Variants in DIDO1 observed in about 807,000 individuals in gnomAD.
The protein encoded by DIDO1 is death-inducer obliterator 1.
DIDO1 carries 16 observed loss-of-function variants against 99.4 expected under a neutral mutation model. The ratio of observed to expected loss-of-function variants is 0.16; its 90% confidence interval spans 0.11 to 0.24. The LOEUF is 0.24. Ranked by LOEUF, DIDO1 falls within the 10% of genes least tolerant of loss-of-function variation. The probability of loss-of-function intolerance (pLI) is 1.00; values close to 1 mark genes in which losing one functional copy is unlikely to be tolerated. For synonymous variants in DIDO1, 1,366 were observed against 1,239.1 expected, an observed-to-expected ratio of 1.10 and a Z score of -2.15; for missense variants, 2,996 against 3,014.0, an observed-to-expected ratio of 0.99 and a Z score of 0.14.
rs61330594 is a variant in DIDO1 at position 62,892,332 on chromosome 20, G to A, written c.3256-256C>T. Among the ~76,000 whole-genome samples the A allele has an allele frequency of 2.8e-3, 421 of 152,284 alleles. 1 individual carries two copies. Among genetic ancestry groups the A allele is most frequent in the African/African-American group, 9.5e-3 (395 of 41,556 alleles). On this transcript the variant is annotated intron_variant, in intron 13 of 15. Coordinates refer to ENST00000395343, the MANE Select transcript of DIDO1 (RefSeq NM_001193369.2). ...CCCAACACTTCTATGCTGTCTTTAC[G>A]TACATACACAGAGAGTAACGATTCA...
intron 15 of DIDO1, among the ~76,000 whole-genome samples, chr20:62,884,426 G>C (rs917434880): frequency 6.6e-6 from 1 of 152,172 alleles, no homozygotes; most frequent in South Asian, 2.1e-4. Flanking sequence ...AGATTAAACC[G>C]TAACAACTCA....
chr20:62,937,891 C>G (rs1025214845), exon 1 of DIDO1: 2 of 398,350 alleles, frequency 5.0e-6, no homozygotes, highest in African/African-American at 2.1e-5. Context: ...GGGCCGACGC[C>G]TTTTGACTCT....
intron 8 of DIDO1, 46 bp from the exon 9 acceptor site, chr20:62,895,211 T>C: frequency 1.3e-6 from 2 of 1,529,826 alleles, no homozygotes; most frequent in Non-Finnish European, 1.8e-6. Flanking sequence ...TTCCTATATC[T>C]GTCAATACAG....
At chr20:62,928,554 T>A (rs1418672711), upstream of DIDO1, 2 of 149,354 alleles carry the variant, frequency 1.3e-5, no homozygotes. Flanking sequence ...CTGCCCTCCC[T>A]GGTGAGAAAG....
At chr20:62,923,762 T>C (rs2056310614) in intron 1 of DIDO1, among the ~76,000 whole-genome samples, 1 of 152,226 alleles carries the variant, frequency 6.6e-6, no homozygotes, top group South Asian at 2.1e-4. Context: ...ATTTACCTTA[T>C]TATAAAGGTA....
At chr20:62,932,170 T>TA (rs1401688166) in intron 1 of DIDO1, among the ~76,000 whole-genome samples, 39 of 152,210 alleles carry the variant, frequency 2.6e-4, no homozygotes, top group Non-Finnish European at 2.4e-4. Context: ...CCACCCTGCC[T>TA]CTTTCATTCC....
intron 1 of DIDO1, among the ~76,000 whole-genome samples, chr20:62,937,330 G>A (rs62200663): frequency 0.025 from 3,821 of 152,310 alleles, 55 homozygotes; most frequent in African/African-American, 0.03. Flanking sequence ...AAGTAAACGC[G>A]CAAATACCCA....
At chr20:62,903,471 C>T (rs1460242105) in intron 6 of DIDO1, among the ~76,000 whole-genome samples, 1 of 152,188 alleles carries the variant, frequency 6.6e-6, no homozygotes, top group African/African-American at 2.4e-5. Flanking sequence ...CACCCCCTAC[C>T]AGGGAGGGCG....
chr20:62,918,981 A>G lies in DIDO1; in HGVS notation c.-199-4575T>C, dbSNP rs1292394441. On this transcript the variant is annotated intron_variant, in intron 1 of 15. Coordinates refer to ENST00000395343, the MANE Select transcript of DIDO1 (RefSeq NM_001193369.2). ...AGAATATGCCTAGAAACTTCAGATG[A>G]CATCCCCAAATGCGACGTGTTCTCC... 2.6e-5 allele frequency among the ~76,000 whole-genome samples: 4 copies of G among 152,152 alleles called. No homozygotes were observed. The East Asian group carries it at 7.7e-4, about 29-fold the overall frequency.
intron 6 of DIDO1, among the ~76,000 whole-genome samples, chr20:62,901,231 T>C (rs561406186): frequency 1.3e-5 from 2 of 152,364 alleles, no homozygotes; most frequent in South Asian, 2.1e-4. Context: ...GGTCCACAGC[T>C]AGACTGCCGT....
chr20:62,896,365 C>A lies in DIDO1; in HGVS notation c.2082G>T (p.Met694Ile), dbSNP rs375011305. The change falls in exon 8 of 16, where the codon ATG (methionine) becomes ATT (isoleucine). Residue 694 changes from methionine to isoleucine, a missense_variant. Around this residue, in one of 5 missense-constraint regions of DIDO1, gnomAD observed 898 missense variants for 972.7 expected, o/e 0.92. Transcript: ENST00000395343. This position sits in a 1 kb window ranked among gnomAD's most constrained non-coding sequence, Gnocchi z 4.4. ...KRVNDSDDLI[M>I]TENEVGKIAL... is the part of the protein sequence containing the mutation. The stretch of plus-strand genomic sequence containing the variant: ...CAATTTTTCCTACTTCGTTTTCTGT[C>A]ATGATTAAGTCATCGCTGTCATTGA... The A allele has an allele frequency of 1.2e-6, 2 of 1,613,944 alleles. No homozygotes were observed. The highest frequency in any genetic ancestry group is 1.7e-6 in the Non-Finnish European group (2 of 1,180,024).
chr20:62,937,541 C>T (rs1248236898), intron 1 of DIDO1, among the ~76,000 whole-genome samples: 4 of 152,254 alleles, frequency 2.6e-5, no homozygotes, highest in Non-Finnish European at 4.4e-5. Context: ...CCCCACCTGG[C>T]CTCGAGTGAG....
intron 15 of DIDO1, chr20:62,888,409 C>T: frequency 1.0e-6 from 1 of 985,522 alleles, no homozygotes; most frequent in Non-Finnish European, 1.2e-6. Context: ...CTCCTTCAGG[C>T]CTGTGCTGCA....
chr20:62,901,349 T>A (rs1329793149), intron 6 of DIDO1, among the ~76,000 whole-genome samples: 1 of 152,166 alleles, frequency 6.6e-6, no homozygotes, highest in Non-Finnish European at 1.5e-5. Flanking sequence ...AAGAAACTCG[T>A]GTGATGAGGG....
At chr20:62,909,253 G>C (rs564651147) in intron 4 of DIDO1, among the ~76,000 whole-genome samples, 1 of 152,384 alleles carries the variant, frequency 6.6e-6, no homozygotes, top group Non-Finnish European at 1.5e-5. Context: ...GAAGCTGACA[G>C]CATGTGGGAA....
At chr20:62,909,655 T>G in intron 4 of DIDO1, 44 bp downstream of exon 4, 1 of 1,598,140 alleles carries the variant, frequency 6.3e-7, no homozygotes. Flanking sequence ...CTGAAACCAG[T>G]GAGGCCGACT....
chr20:62,888,293 T>C (rs1339106171), intron 15 of DIDO1: 1 of 985,420 alleles, frequency 1.0e-6, no homozygotes, highest in Non-Finnish European at 1.2e-6. Context: ...CTTTTCTGCG[T>C]GAATCTCTAC....
chr20:62,882,688 C>T (rs1289121631), intron 15 of DIDO1, among the ~76,000 whole-genome samples: 1 of 152,140 alleles, frequency 6.6e-6, no homozygotes, highest in East Asian at 1.9e-4. Context: ...ACTAACCCCT[C>T]GTCACCAACC....
At chr20:62,932,704 G>C (rs966853813) in intron 1 of DIDO1, among the ~76,000 whole-genome samples, 1 of 152,106 alleles carries the variant, frequency 6.6e-6, no homozygotes, top group African/African-American at 2.4e-5. Flanking sequence ...GGAGTTAAAG[G>C]TTTTAAAAAA....
Sources: gnomAD v4.1 joint callset for allele counts (sites outside exome capture counted in the v4.1 genomes callset) on GRCh38, gnomAD v4.1.1 for gene constraint, gnomAD v4.1.1 regional missense constraint, Gnocchi (gnomAD v3.1) non-coding constraint, MANE v1.5 for transcripts, NCBI Gene and HGNC (gene_info 2026-07-23, HGNC 2026-07-21) for gene names.